The following SLC25A48 variants were observed in gnomAD, a reference collection of about 807,000 sequenced individuals.
SLC25A48 encodes the protein solute carrier family 25 member 48.
Under a neutral mutation model 32.2 loss-of-function variants are expected in SLC25A48, and 29 were observed. The ratio of observed to expected loss-of-function variants is 0.90; its 90% CI spans 0.67 to 1.23. SLC25A48 has a LOEUF of 1.23. Ranked by LOEUF, SLC25A48 falls within the 50% of genes most tolerant of loss-of-function variation. SLC25A48 has a pLI of 0.00. For synonymous variants in SLC25A48, 164 were observed against 172.3 expected (o/e 0.95, Z 0.38); for missense variants, 399 against 422.7 (o/e 0.94, Z 0.49).
chr5:135,814,061 T>C (rs929578129), intron 4 of SLC25A48, among the ~76,000 whole-genome samples: 49 of 152,176 alleles, frequency 3.2e-4, no homozygotes, highest in African/African-American at 9.6e-4. Context: ...TGGGGATATT[T>C]TCCCCCCATC....
At chr5:135,651,175 T>A (rs1753101450) in intron 3 of SLC25A48, among the ~76,000 whole-genome samples, 1 of 152,172 alleles carries the variant, frequency 6.6e-6, no homozygotes, top group South Asian at 2.1e-4. Flanking sequence ...TCTCCAGGCT[T>A]AGGTCCTGAG....
At chr5:135,732,341 T>C (rs2126992853) in intron 3 of SLC25A48, among the ~76,000 whole-genome samples, 1 of 152,284 alleles carries the variant, frequency 6.6e-6, no homozygotes, top group African/African-American at 2.4e-5. Context: ...AGGAATTATG[T>C]CTGACAAAAG....
At chr5:135,700,108 C>A (rs1208697565) in intron 3 of SLC25A48, among the ~76,000 whole-genome samples, 1 of 152,042 alleles carries the variant, frequency 6.6e-6, no homozygotes, top group African/African-American at 2.4e-5. Flanking sequence ...TTGGGCTGAG[C>A]ACTGTGGCTC....
At chr5:135,799,008 C>T (rs1240573880) in intron 3 of SLC25A48, among the ~76,000 whole-genome samples, 3 of 151,482 alleles carry the variant, frequency 2.0e-5, no homozygotes, top group African/African-American at 4.9e-5. Context: ...GTGTACACTT[C>T]GCCTGTGATA....
intron 3 of SLC25A48, among the ~76,000 whole-genome samples, chr5:135,800,016 G>C (rs1757282471): frequency 6.6e-6 from 1 of 151,416 alleles, no homozygotes; most frequent in South Asian, 2.1e-4. Context: ...TATAGTTCCT[G>C]ATATCCAGGG....
Position 135,888,347 on chromosome 5 carries a change from G to A in SLC25A48, c.*323G>A, listed in dbSNP as rs1035043792. 22 of 390,006 alleles carry A rather than the reference G, an allele frequency of 5.6e-5. No individual in the cohort carries two copies. The highest frequency in any genetic ancestry group is 3.4e-4 in the African/African-American group (17 of 49,920). 24.2% of individuals were successfully genotyped at this position (390,006 alleles called of 1,614,324 possible). On this transcript the variant is annotated 3_prime_UTR_variant, in exon 8 of 8. Coordinates refer to ENST00000681962, the MANE Select transcript of SLC25A48 (RefSeq NM_001349336.2). Reference sequence around the variant, plus strand: ...GGAGCCAGAAACCACCCAGAGAAACGTTGCTTCACTCCTCTGTCTGAGGAT... The same window carrying A: ...GGAGCCAGAAACCACCCAGAGAAACATTGCTTCACTCCTCTGTCTGAGGAT...
At chr5:135,712,569 C>T (rs1428530842) in intron 3 of SLC25A48, among the ~76,000 whole-genome samples, 1 of 152,194 alleles carries the variant, frequency 6.6e-6, no homozygotes, top group East Asian at 1.9e-4. Context: ...GCCTTAGGCT[C>T]CAAGAGTTGA....
chr5:135,829,088 A>T (rs1349063231), intron 4 of SLC25A48, among the ~76,000 whole-genome samples: 5 of 152,188 alleles, frequency 3.3e-5, no homozygotes, highest in Non-Finnish European at 7.3e-5. Flanking sequence ...CCAGCCCAGC[A>T]GCTGATGTTT....
chr5:135,779,614 TG>T lies in SLC25A48; in HGVS notation c.-520-32908del, dbSNP rs545255206. ...GGGATGTACACTCCCTACATAATATTGTTTTTAATATCCAGAAGTGGAGAGG... is the reference window on the plus strand; with the variant it reads ...GGGATGTACACTCCCTACATAATATTTTTTTAATATCCAGAAGTGGAGAGG... On this transcript the variant is annotated intron_variant, in intron 3 of 10. Transcript: ENST00000646290. Among the ~76,000 whole-genome samples, 196 of 117,332 alleles carry T rather than the reference TG, an allele frequency of 1.7e-3. 18 individuals are homozygous for T. The highest frequency in any genetic ancestry group is 5.0e-3 in the African/African-American group (194 of 38,640). 77.0% of individuals were successfully genotyped at this position (117,332 alleles called of 152,430 possible).
In SLC25A48 at chr5:135,611,590, T is replaced by TA. The variant is rs567071226; in HGVS notation, c.-848-17645dup. Among the ~76,000 whole-genome samples, 309 of 115,530 alleles carry TA rather than the reference T, an allele frequency of 2.7e-3. 1 individual carries two copies. The highest frequency in any genetic ancestry group is 1.0e-2 in the African/African-American group (298 of 29,886). The allele number at this position is 115,530 out of a possible 152,430, so 75.8% of individuals were successfully genotyped here. ...AGCTGGGTATGGTGGCATGCACCAATAATCCCAGCTACTAGGGAGGCTGAG... is the reference window on the plus strand; with the variant it reads ...AGCTGGGTATGGTGGCATGCACCAATAAATCCCAGCTACTAGGGAGGCTGAG... On this transcript the variant is annotated intron_variant, in intron 1 of 10. Transcript: ENST00000646290.
chr5:135,616,119 C>T (rs766212943), intron 1 of SLC25A48, among the ~76,000 whole-genome samples: 117 of 152,176 alleles, frequency 7.7e-4, no homozygotes, highest in Non-Finnish European at 1.4e-3. Flanking sequence ...AGAAGACTGT[C>T]GCAGGGGCAG....
intron 1 of SLC25A48, among the ~76,000 whole-genome samples, chr5:135,593,214 C>A (rs915782153): frequency 6.6e-6 from 1 of 152,152 alleles, no homozygotes; most frequent in Admixed American, 6.5e-5. Context: ...TGATGGAGTC[C>A]TCAGTGTTCT....
intron 3 of SLC25A48, among the ~76,000 whole-genome samples, chr5:135,735,536 TG>T (rs1220112426): frequency 3.3e-5 from 5 of 152,206 alleles, no homozygotes; most frequent in African/African-American, 1.2e-4. Flanking sequence ...TTAACAGCTT[TG>T]TAAGCTGCCT....
intron 3 of SLC25A48, among the ~76,000 whole-genome samples, chr5:135,805,369 T>C (rs1757438766): frequency 6.6e-6 from 1 of 151,530 alleles, no homozygotes; most frequent in Admixed American, 6.6e-5. Flanking sequence ...AACATGGGCA[T>C]ACACCCTTTG....
chr5:135,715,148 A>G (rs1341766723), intron 3 of SLC25A48, among the ~76,000 whole-genome samples: 2 of 152,222 alleles, frequency 1.3e-5, no homozygotes, highest in Non-Finnish European at 2.9e-5. Context: ...GAACTGGGGC[A>G]GAGATAGTGA....
chr5:135,733,273 A>G (rs1024993566), intron 3 of SLC25A48, among the ~76,000 whole-genome samples: 18 of 152,204 alleles, frequency 1.2e-4, no homozygotes, highest in African/African-American at 3.9e-4. Context: ...AGCTGCCATC[A>G]ATAAACCAAA....
At chr5:135,885,271 G>A (rs1213691752) in intron 7 of SLC25A48, among the ~76,000 whole-genome samples, 9 of 152,052 alleles carry the variant, frequency 5.9e-5, no homozygotes, top group African/African-American at 2.2e-4. Flanking sequence ...CCCATCCAGT[G>A]CCAGGCATAC....
intron 1 of SLC25A48, among the ~76,000 whole-genome samples, chr5:135,625,357 T>C (rs1308553678): frequency 2.0e-5 from 3 of 150,722 alleles, no homozygotes; most frequent in South Asian, 2.1e-4. Flanking sequence ...AGTGGAGGAG[T>C]GGGGACAGAA....
At chr5:135,650,420 G>T (rs1035465625) in intron 3 of SLC25A48, 8 of 456,018 alleles carry the variant, frequency 1.8e-5, no homozygotes, top group Non-Finnish European at 3.1e-5. Context: ...TCCTTCACAT[G>T]GGGTGGGAGA....
Sources: gnomAD v4.1 joint callset for allele counts (sites outside exome capture counted in the v4.1 genomes callset) on GRCh38, gnomAD v4.1.1 for gene constraint, MANE v1.5 for transcripts, NCBI Gene and HGNC (gene_info 2026-07-23, HGNC 2026-07-21) for gene names.